FRY: variants seen among roughly 807,000 people sequenced by gnomAD.
The protein encoded by FRY is FRY microtubule binding protein.
A neutral mutation model predicts 348.4 loss-of-function variants in FRY; 128 were observed. The ratio of observed to expected loss-of-function variants is 0.37; its 90% CI spans 0.32 to 0.43. FRY has a LOEUF of 0.43. FRY is among the 20% of genes least tolerant of loss of function. The probability of loss-of-function intolerance (pLI) is 1.00; values close to 1 mark genes in which losing one functional copy is unlikely to be tolerated. For missense variants in FRY, 2,736 were observed against 3,695.2 expected (o/e 0.74, Z 6.73); for synonymous variants, 1,370 against 1,374.7 (o/e 1.00, Z 0.08).
intron 55 of FRY, 21 bp from the exon 56 acceptor site, chr13:32,274,821 G>T: frequency 6.2e-7 from 1 of 1,602,088 alleles, no homozygotes; most frequent in Non-Finnish European, 8.5e-7. Flanking sequence ...CTTTACAAAT[G>T]GTCACTATTT....
intron 20 of FRY, among the ~76,000 whole-genome samples, chr13:32,176,671 A>C (rs1882377321): frequency 1.3e-5 from 2 of 152,232 alleles, no homozygotes; most frequent in South Asian, 4.1e-4. Context: ...ACTTGCCTAC[A>C]GATAACACTT....
At chr13:32,275,544 C>T (rs1593839195) in intron 56 of FRY, among the ~76,000 whole-genome samples, 3 of 152,190 alleles carry the variant, frequency 2.0e-5, no homozygotes, top group South Asian at 2.1e-4. Flanking sequence ...ACCTCTGCTC[C>T]GTCTGCATCG....
intron 7 of FRY, among the ~76,000 whole-genome samples, chr13:32,126,209 A>C (rs915509341): frequency 3.9e-5 from 6 of 152,170 alleles, no homozygotes; most frequent in Non-Finnish European, 8.8e-5. Context: ...ATACTTGCTG[A>C]TTTGTCAAAC....
At chr13:32,113,053 T>A (rs1242229160) in intron 3 of FRY, among the ~76,000 whole-genome samples, 2 of 152,244 alleles carry the variant, frequency 1.3e-5, no homozygotes, top group Non-Finnish European at 2.9e-5. Flanking sequence ...TATGATATTG[T>A]TTTTCTATGA....
rs181696309 is a variant in FRY, at chr13:32,065,413, C to T, written c.71-13421C>T. ...CTCCACCTCCCGGGTTCAAGCAGTT[C>T]TCATGCCTCAGCCTCCTGAGTAGCT... On this transcript the variant is annotated intron_variant, in intron 1 of 60. Coordinates refer to ENST00000542859, the MANE Select transcript of FRY (RefSeq NM_023037.3). 1.8e-3 allele frequency among the ~76,000 whole-genome samples: 273 copies of T among 151,724 alleles called. 1 individual carries two copies. Among genetic ancestry groups the T allele is most frequent in the Middle Eastern group, 3.4e-3 (1 of 294 alleles).
chr13:32,164,298 C>G (rs1352866525), intron 17 of FRY, among the ~76,000 whole-genome samples: 8 of 152,204 alleles, frequency 5.3e-5, no homozygotes. Flanking sequence ...TTATTTCTGA[C>G]ACTTCACAGT....
intron 51 of FRY, among the ~76,000 whole-genome samples, chr13:32,260,707 C>T (rs1347294890): frequency 6.6e-6 from 1 of 150,566 alleles, no homozygotes. Context: ...AATCCTGTCT[C>T]TACTAAAAAT....
At chr13:32,224,806 C>T (rs1322022660) in intron 37 of FRY, 127 bp from the exon 38 acceptor site, 5 of 709,722 alleles carry the variant, frequency 7.0e-6, no homozygotes, top group Non-Finnish European at 1.0e-5. Context: ...ACTCTATTTC[C>T]CCCGAATAAG....
chr13:32,095,622 C>T (rs1479570508), intron 2 of FRY, among the ~76,000 whole-genome samples: 2 of 152,116 alleles, frequency 1.3e-5, no homozygotes, highest in Non-Finnish European at 1.5e-5. Context: ...AGATTATAGG[C>T]GTGAGCCACC....
intron 41 of FRY, among the ~76,000 whole-genome samples, chr13:32,232,043 A>AG (rs1287015787): frequency 6.6e-6 from 1 of 152,260 alleles, no homozygotes; most frequent in Admixed American, 6.5e-5. Context: ...TTACTAAAAA[A>AG]CAAAAGATAC....
At chr13:32,060,549 CTGTT>C (rs1045752125) in intron 1 of FRY, among the ~76,000 whole-genome samples, 1 of 152,188 alleles carries the variant, frequency 6.6e-6, no homozygotes, top group African/African-American at 2.4e-5. Flanking sequence ...CTGTTGAAAG[CTGTT>C]TGTATTCATG....
rs1176982027 is a variant in FRY, at chr13:32,297,656, C to T, written c.*2196C>T. 1 of 152,186 alleles carries T rather than the reference C, an allele frequency of 6.6e-6. No individual in the cohort carries two copies. Among genetic ancestry groups the T allele is most frequent in the Non-Finnish European group, 1.5e-5 (1 of 68,018 alleles). 9.4% of individuals were successfully genotyped at this position (152,186 alleles called of 1,614,324 possible). ...TTCCTCTATCTCTTCACCTCCTCTA[C>T]TTTAAGTGGAGATGGGAAAAATTGT... is the stretch of plus-strand genomic sequence containing the variant. On this transcript the variant is annotated 3_prime_UTR_variant, in exon 61 of 61. Transcript: ENST00000542859.
In FRY at chr13:32,237,152, C is replaced by G. The variant is rs1367999292; in HGVS notation, c.5811-227C>G. 6.6e-6 allele frequency among the ~76,000 whole-genome samples: 1 copy of G among 152,076 alleles called. No homozygotes were observed. Among genetic ancestry groups the G allele is most frequent in the Non-Finnish European group, 1.5e-5 (1 of 68,032 alleles). ...ACTTTAAGGCCAATTATTGATTCCTCTACATTTTCAAGAAGTAGCAGTCAG... is the reference window on the plus strand; with the variant it reads ...ACTTTAAGGCCAATTATTGATTCCTGTACATTTTCAAGAAGTAGCAGTCAG... On this transcript the variant is annotated intron_variant, in intron 43 of 60. Coordinates refer to ENST00000542859, the MANE Select transcript of FRY (RefSeq NM_023037.3). The surrounding 1 kb of genome is among the most constrained non-coding windows in gnomAD (Gnocchi z 6.3).
chr13:32,225,908 C>A lies in FRY; in HGVS notation c.5140C>A (p.Arg1714=), dbSNP rs767681204. ...CATTGCTTCCGTGCTCCTGCAGACCCGAGAGATGGGTGAAGCTAAGACTCT... is the reference window on the plus strand; with the variant it reads ...CATTGCTTCCGTGCTCCTGCAGACCAGAGAGATGGGTGAAGCTAAGACTCT... ...HSIASVLLQT[R]EMGEAKTLTV... is the part of the protein sequence containing the mutation. Residue 1714 remains arginine, a synonymous_variant, in exon 39 of 61, where the codon CGA becomes AGA. Transcript: ENST00000542859. 6.2e-7 allele frequency: 1 copy of A among 1,614,136 alleles called. No individual in the cohort carries two copies. The highest frequency in any genetic ancestry group is 8.5e-7 in the Non-Finnish European group (1 of 1,180,000).
intron 46 of FRY, among the ~76,000 whole-genome samples, chr13:32,241,931 C>A (rs940435088): frequency 2.6e-5 from 4 of 152,176 alleles, no homozygotes; most frequent in African/African-American, 9.7e-5. Context: ...TGGCTATGCA[C>A]ATACATATAA....
chr13:32,204,054 A>C lies in FRY; in HGVS notation c.4018+1527A>C, dbSNP rs114835929. Reference sequence around the variant, plus strand: ...TACCAGCCTCCATGCTAGGTACTTTATGTGCATTGCATTTATCACTTAATA... The same window carrying C: ...TACCAGCCTCCATGCTAGGTACTTTCTGTGCATTGCATTTATCACTTAATA... On this transcript the variant is annotated intron_variant, in intron 31 of 60. Transcript: ENST00000542859. Among the ~76,000 whole-genome samples the C allele has an allele frequency of 7.5e-3, 1,141 of 152,296 alleles. 7 individuals are homozygous for C. Among genetic ancestry groups the C allele is most frequent in the African/African-American group, 0.026 (1,083 of 41,570 alleles).
intron 8 of FRY, 100 bp from the exon 9 acceptor site, chr13:32,134,804 A>C: frequency 1.3e-6 from 1 of 799,850 alleles, no homozygotes. Flanking sequence ...CTGTTGATAC[A>C]TGATTGAATT....
chr13:32,101,824 T>G, intron 2 of FRY, 139 bp from the exon 3 acceptor site: 1 of 622,670 alleles, frequency 1.6e-6, no homozygotes, highest in South Asian at 1.8e-5. Flanking sequence ...GGAGAATACC[T>G]CACTCATTTA....
chr13:32,279,521 G>T (rs1345582383), intron 58 of FRY, among the ~76,000 whole-genome samples: 2 of 152,294 alleles, frequency 1.3e-5, no homozygotes, highest in Admixed American at 6.5e-5. Flanking sequence ...TTAACAGTGG[G>T]GATGATTAGA....
Sources: allele counts gnomAD v4.1 joint callset (sites outside exome capture counted in the v4.1 genomes callset), GRCh38; gene constraint gnomAD v4.1.1; non-coding constraint Gnocchi (gnomAD v3.1); transcripts MANE v1.5; gene names NCBI Gene and HGNC (gene_info 2026-07-23, HGNC 2026-07-21).